The following TG variants were observed in gnomAD, a reference collection of about 807,000 sequenced individuals.
TG encodes thyroid hormones.
A neutral mutation model predicts 324.7 loss-of-function variants in TG; 270 were observed. The ratio of observed to expected loss-of-function variants is 0.83; its 90% CI spans 0.75 to 0.92. The LOEUF (loss-of-function observed/expected upper bound fraction) is 0.92, where lower values mean the gene tolerates loss of function less well. Ranked by LOEUF, TG falls within the 40% of genes least tolerant of loss-of-function variation. The probability of loss-of-function intolerance (pLI) is 0.00; values close to 1 mark genes in which losing one functional copy is unlikely to be tolerated. For missense variants in TG, 3,591 were observed against 3,456.4 expected, an observed-to-expected ratio of 1.04 and a Z score of -0.98; for synonymous variants, 1,401 against 1,327.0, an observed-to-expected ratio of 1.06 and a Z score of -1.21.
chr8:132,969,964 G>A (rs1441053424), intron 32 of TG, among the ~76,000 whole-genome samples: 1 of 150,650 alleles, frequency 6.6e-6, no homozygotes, highest in African/African-American at 2.4e-5. Flanking sequence ...CAAAGCTAAG[G>A]GGGTAAAAGA....
At chr8:133,106,634 C>T (rs1849829724) in intron 43 of TG, among the ~76,000 whole-genome samples, 1 of 152,170 alleles carries the variant, frequency 6.6e-6, no homozygotes, top group African/African-American at 2.4e-5. Context: ...CTGGACTCAA[C>T]CATCCTCCAC....
At chr8:132,976,650 A>C (rs912006468) in intron 34 of TG, among the ~76,000 whole-genome samples, 8 of 152,316 alleles carry the variant, frequency 5.3e-5, no homozygotes, top group Admixed American at 4.6e-4. Flanking sequence ...CTACAATGTC[A>C]TCAGACTCTC....
At chr8:133,065,856 C>T (rs1842959459) in intron 41 of TG, among the ~76,000 whole-genome samples, 1 of 151,936 alleles carries the variant, frequency 6.6e-6, no homozygotes, top group Admixed American at 6.6e-5. Context: ...TTGGGGGAAA[C>T]TTTAATACAA....
chr8:133,029,795 A>T (rs549174470), intron 40 of TG, 26 bp from the exon 41 acceptor site: 2 of 1,613,952 alleles, frequency 1.2e-6, no homozygotes, highest in Admixed American at 1.7e-5. Context: ...GTCACAAAGG[A>T]TAAAAGGCTT....
chr8:133,073,741 A>G (rs1844435591), intron 41 of TG, among the ~76,000 whole-genome samples: 1 of 152,080 alleles, frequency 6.6e-6, no homozygotes, highest in Admixed American at 6.5e-5. Flanking sequence ...CTTTAAACAC[A>G]GGCCTCAGCT....
intron 43 of TG, among the ~76,000 whole-genome samples, chr8:133,098,638 T>A (rs1047266248): frequency 6.6e-6 from 1 of 152,184 alleles, no homozygotes; most frequent in African/African-American, 2.4e-5. Flanking sequence ...ACTAATTTTA[T>A]ATTCCCAGGA....
At chr8:133,111,006 T>A (rs1850206034) in intron 43 of TG, among the ~76,000 whole-genome samples, 1 of 152,214 alleles carries the variant, frequency 6.6e-6, no homozygotes, top group African/African-American at 2.4e-5. Context: ...TTGGAAGATG[T>A]CTGGCTCAGA....
At chr8:132,927,366 C>T (rs853298) in intron 22 of TG, among the ~76,000 whole-genome samples, 61,078 of 151,956 alleles carry the variant, frequency 0.4, 15,101 homozygotes, top group Admixed American at 0.53. Flanking sequence ...AGAATATTGC[C>T]TTTGCCCTGG....
chr8:132,887,103 C>T lies in TG; in HGVS notation c.1731C>T (p.Phe577=), dbSNP rs369032480. The T allele has an allele frequency of 9.3e-6, 15 of 1,614,096 alleles. No individual in the cohort carries two copies. In the African/African-American group the frequency reaches 2.0e-4, roughly 22 times the overall value. ...FLASLLELPE[F]LLFLQHAISV... Reference sequence around the variant, plus strand: ...CTTCTCTCCTGGAGCTTCCAGAATTCCTTCTCTTCTTGCAACATGCTATCT... The same window carrying T: ...CTTCTCTCCTGGAGCTTCCAGAATTTCTTCTCTTCTTGCAACATGCTATCT... Residue 577 remains phenylalanine, a synonymous_variant, in exon 9 of 48, where the codon TTC becomes TTT. Coordinates refer to ENST00000220616, the MANE Select transcript of TG (RefSeq NM_003235.5).
intron 41 of TG, among the ~76,000 whole-genome samples, chr8:133,081,106 A>G (rs1159771861): frequency 6.6e-6 from 1 of 152,258 alleles, no homozygotes; most frequent in Non-Finnish European, 1.5e-5. Flanking sequence ...GTCCATACAT[A>G]ATAATGTGTA....
intron 43 of TG, among the ~76,000 whole-genome samples, chr8:133,110,288 G>A (rs1850153916): frequency 6.6e-6 from 1 of 152,146 alleles, no homozygotes; most frequent in African/African-American, 2.4e-5. Flanking sequence ...AGCAGTACTT[G>A]GCCCTCGAAT....
intron 44 of TG, 62 bp from the exon 45 acceptor site, chr8:133,116,547 C>T (rs1588131521): frequency 6.6e-7 from 1 of 1,506,582 alleles, no homozygotes; most frequent in Non-Finnish European, 9.2e-7. Context: ...AAGCCCTTTC[C>T]AGGCACCATG....
intron 10 of TG, among the ~76,000 whole-genome samples, chr8:132,890,134 TA>T (rs869260360): frequency 6.6e-6 from 1 of 151,598 alleles, no homozygotes; most frequent in Admixed American, 6.6e-5. Context: ...GGCTTTTTTT[TA>T]ATTGAGTAAC....
Position 132,919,407 on chromosome 8 carries a change from T to C in TG, c.4410T>C (p.Asp1470=), listed in dbSNP as rs1820820036. Residue 1470 remains aspartate, a synonymous_variant, in exon 21 of 48, where the codon GAT becomes GAC. Coordinates refer to ENST00000220616, the MANE Select transcript of TG (RefSeq NM_003235.5). ...GTCCTGAAGGAAGCTATTCCCAAGATGAGGAATGCATTCCTTGTCCTGTTG... is the reference window on the plus strand; with the variant it reads ...GTCCTGAAGGAAGCTATTCCCAAGACGAGGAATGCATTCCTTGTCCTGTTG... ...VKCPEGSYSQ[D]EECIPCPVGF... 3.7e-6 allele frequency: 6 copies of C among 1,614,068 alleles called. No homozygotes were observed. The highest frequency in any genetic ancestry group is 1.1e-5 in the South Asian group (1 of 91,086).
rs59451880 is a variant in TG at position 133,128,337 on chromosome 8, G to GCACACACACACACA, written c.7863-3442_7863-3429dup. 7.2e-4 allele frequency among the ~76,000 whole-genome samples: 97 copies of GCACACACACACACA among 133,796 alleles called. 2 individuals are homozygous for GCACACACACACACA. Among genetic ancestry groups the GCACACACACACACA allele is most frequent in the African/African-American group, 1.0e-3 (38 of 36,620 alleles). The allele number at this position is 133,796 out of a possible 152,430, so 87.8% of individuals were successfully genotyped here. On this transcript the variant is annotated intron_variant, in intron 45 of 47. Transcript: ENST00000220616. ...ATCCTGAAACTGAAACAAAAGGCGT[G>GCACACACACACACA]CACACACACACACACACACACACAC... is the stretch of plus-strand genomic sequence containing the variant.
In TG at chr8:133,022,081, G is replaced by T; in HGVS notation, c.6967G>T (p.Ala2323Ser). ...GCCGGCTATCGACGGCTCCTTCTTGGCTGCTGTTGGCAACCTCATCGTGGT... is the reference window on the plus strand; with the variant it reads ...GCCGGCTATCGACGGCTCCTTCTTGTCTGCTGTTGGCAACCTCATCGTGGT... ...GWPAIDGSFLAAVGNLIVVTA... is the reference protein window; with the variant it reads ...GWPAIDGSFLSAVGNLIVVTA... The change falls in exon 40 of 48, where the codon GCT becomes TCT. Residue 2323 changes from alanine (A) to serine (S), a missense_variant. Physicochemically the swap from Ala to Ser is moderately conservative, Grantham distance 99. Transcript: ENST00000220616. 6.2e-7 allele frequency: 1 copy of T among 1,614,170 alleles called. No individual in the cohort carries two copies. The highest frequency in any genetic ancestry group is 1.1e-5 in the South Asian group (1 of 91,084).
intron 43 of TG, among the ~76,000 whole-genome samples, chr8:133,111,251 G>T (rs1029895555): frequency 6.6e-6 from 1 of 152,114 alleles, no homozygotes; most frequent in Admixed American, 6.5e-5. Context: ...GTAAGACCTG[G>T]GGTTAAATCT....
Position 132,888,097 on chromosome 8 carries a change from A to C in TG, c.2290A>C (p.Ser764Arg). The change falls in exon 10 of 48, where the codon AGC (serine) becomes CGC (arginine). Residue 764 changes from serine (S) to arginine (R), a missense_variant. Physicochemically the swap from Ser to Arg is moderately radical, Grantham distance 110 (BLOSUM62 -1). Transcript: ENST00000220616. ...TLSDTYIPQC[S>R]TDGQWRQVQC... ...TTCCGACACCTACATCCCACAGTGC[A>C]GCACCGATGGGCAGTGGAGACAAGT... 3 of 1,614,180 alleles carry C rather than the reference A, an allele frequency of 1.9e-6. No individual in the cohort carries two copies. The highest frequency in any genetic ancestry group is 2.5e-6 in the Non-Finnish European group (3 of 1,180,032).
chr8:133,011,795 G>T, intron 35 of TG, 106 bp from the exon 36 acceptor site: 1 of 1,403,994 alleles, frequency 7.1e-7, no homozygotes, highest in Non-Finnish European at 1.0e-6. Flanking sequence ...AGACCAAGAG[G>T]AGGATGCCCC....
Sources: allele counts gnomAD v4.1 joint callset (sites outside exome capture counted in the v4.1 genomes callset), GRCh38; gene constraint gnomAD v4.1.1; transcripts MANE v1.5; gene names NCBI Gene and HGNC (gene_info 2026-07-23, HGNC 2026-07-21).